DLG2: variants seen among roughly 807,000 people sequenced by gnomAD.
DLG2 encodes discs large MAGUK scaffold protein 2.
Under a neutral mutation model 132.5 loss-of-function variants are expected in DLG2, and 45 were observed. The observed-to-expected ratio is 0.34, with a 90% CI of 0.27 to 0.44. The LOEUF is 0.44. DLG2 is among the 20% of genes least tolerant of loss of function. The pLI is 1.00. For synonymous variants in DLG2, 424 were observed against 419.6 expected, an observed-to-expected ratio of 1.01 and a Z score of -0.13; for missense variants, 1,045 against 1,196.9, an observed-to-expected ratio of 0.87 and a Z score of 1.87.
At chr11:84,304,454 G>A (rs1032854693) in intron 7 of DLG2, among the ~76,000 whole-genome samples, 15 of 152,190 alleles carry the variant, frequency 9.9e-5, no homozygotes, top group African/African-American at 3.4e-4. Flanking sequence ...AGGCTTTGTT[G>A]GGCAGAAAGG....
At chr11:85,320,729 T>A (rs1318409870) in intron 3 of DLG2, among the ~76,000 whole-genome samples, 3 of 151,692 alleles carry the variant, frequency 2.0e-5, no homozygotes, top group Admixed American at 2.0e-4. Flanking sequence ...TATCTAGGGA[T>A]AAAGTACTGT....
At chr11:83,919,238 A>C (rs1715313302) in intron 15 of DLG2, among the ~76,000 whole-genome samples, 1 of 152,162 alleles carries the variant, frequency 6.6e-6, no homozygotes, top group Admixed American at 6.5e-5. Context: ...CCTCATGTCC[A>C]GTGTAGCTTA....
At chr11:84,523,865 T>C (rs2099312052) in intron 7 of DLG2, among the ~76,000 whole-genome samples, 3 of 152,094 alleles carry the variant, frequency 2.0e-5, no homozygotes, top group Admixed American at 6.5e-5. Flanking sequence ...TTAAAACTTA[T>C]TATGATTTTA....
chr11:84,249,604 T>C (rs2097346030), intron 8 of DLG2, among the ~76,000 whole-genome samples: 1 of 152,074 alleles, frequency 6.6e-6, no homozygotes, highest in Non-Finnish European at 1.5e-5. Context: ...ATTAAATGAG[T>C]TAAAATTTGT....
intron 6 of DLG2, among the ~76,000 whole-genome samples, chr11:84,541,959 G>T (rs1243284293): frequency 1.3e-5 from 2 of 152,154 alleles, no homozygotes; most frequent in African/African-American, 2.4e-5. Flanking sequence ...GTCACTGGAG[G>T]TTCTCTGGTG....
At chr11:83,578,660 T>C (rs2096921123) in intron 19 of DLG2, among the ~76,000 whole-genome samples, 1 of 152,160 alleles carries the variant, frequency 6.6e-6, no homozygotes, top group African/African-American at 2.4e-5. Flanking sequence ...AAGAATATTA[T>C]GAGCAATGAT....
At chr11:84,659,237 T>C (rs1033905033) in intron 6 of DLG2, among the ~76,000 whole-genome samples, 8 of 150,700 alleles carry the variant, frequency 5.3e-5, no homozygotes, top group African/African-American at 1.9e-4. Context: ...TGGGTGGAGC[T>C]TTGTATTTTT....
At chr11:84,028,211 A>G (rs1229926352) in intron 11 of DLG2, among the ~76,000 whole-genome samples, 1 of 151,922 alleles carries the variant, frequency 6.6e-6, no homozygotes, top group East Asian at 1.9e-4. Flanking sequence ...GTCAAACAAA[A>G]CTCTGATCAT....
chr11:85,055,963 T>C (rs1005310426), intron 6 of DLG2, among the ~76,000 whole-genome samples: 7 of 152,126 alleles, frequency 4.6e-5, no homozygotes, highest in African/African-American at 1.7e-4. Context: ...TACATTAAAG[T>C]GATATCCCTG....
At chr11:85,264,729 T>C (rs1317973922) in intron 4 of DLG2, among the ~76,000 whole-genome samples, 2 of 152,170 alleles carry the variant, frequency 1.3e-5, no homozygotes, top group East Asian at 1.9e-4. Flanking sequence ...TACAGGGTAC[T>C]AAGCATCTTT....
At chr11:85,022,449 G>A (rs780481676) in intron 6 of DLG2, among the ~76,000 whole-genome samples, 7 of 151,834 alleles carry the variant, frequency 4.6e-5, no homozygotes, top group Non-Finnish European at 8.8e-5. Flanking sequence ...AATGGTAAGG[G>A]AATTATATAT....
At chr11:85,102,410 T>C (rs936169519) in intron 6 of DLG2, among the ~76,000 whole-genome samples, 12 of 152,004 alleles carry the variant, frequency 7.9e-5, no homozygotes, top group African/African-American at 1.4e-4. Context: ...AATGGTGCTA[T>C]GTCATAGAAA....
intron 6 of DLG2, among the ~76,000 whole-genome samples, chr11:85,038,802 T>C (rs533434503): frequency 1.4e-3 from 207 of 152,182 alleles, no homozygotes; most frequent in African/African-American, 4.7e-3. Flanking sequence ...CTGGACAATG[T>C]ACAATTAAAT....
At chr11:84,271,459 AC>A (rs1404875798) in intron 7 of DLG2, among the ~76,000 whole-genome samples, 1 of 152,188 alleles carries the variant, frequency 6.6e-6, no homozygotes, top group African/African-American at 2.4e-5. Flanking sequence ...CCACTACACC[AC>A]CACAATGCTA....
chr11:85,422,450 T>G (rs1597189962), intron 3 of DLG2, among the ~76,000 whole-genome samples: 1 of 152,250 alleles, frequency 6.6e-6, no homozygotes, highest in East Asian at 1.9e-4. Context: ...TCTAAATTTC[T>G]TTCTTCTACT....
At position 85,285,451 on chromosome 11, in the gene DLG2, C is replaced by G. The variant is rs2078495304; in HGVS notation, c.41-86G>C. 13 of 1,295,254 alleles carry G rather than the reference C, an allele frequency of 1.0e-5. 1 individual carries two copies. The highest frequency in any genetic ancestry group is 1.6e-5 in the South Asian group (1 of 62,332). 80.2% of individuals were successfully genotyped at this position (1,295,254 alleles called of 1,614,324 possible). On this transcript the variant is annotated intron_variant, in intron 3 of 27. Transcript: ENST00000376104. ...GCATATATGTCCATATATAGACATA[C>G]AGAAATTTTGCTGATTAAAAGAACT...
At chr11:83,573,866 G>A (rs2096836188) in intron 19 of DLG2, among the ~76,000 whole-genome samples, 1 of 152,144 alleles carries the variant, frequency 6.6e-6, no homozygotes, top group African/African-American at 2.4e-5. Context: ...GTGCTTCGAG[G>A]CAGTATAACA....
intron 6 of DLG2, among the ~76,000 whole-genome samples, chr11:84,703,851 AG>A (rs1479174191): frequency 2.1e-5 from 2 of 94,270 alleles, no homozygotes; most frequent in African/African-American, 1.5e-4. Flanking sequence ...AAAACTATGT[AG>A]TGAAGATATA....
At chr11:84,328,971 G>C (rs765231609) in intron 7 of DLG2, among the ~76,000 whole-genome samples, 4 of 152,212 alleles carry the variant, frequency 2.6e-5, no homozygotes, top group Non-Finnish European at 5.9e-5. Flanking sequence ...GGATGATGTA[G>C]TGAACTTTAG....
Sources: gnomAD v4.1 joint callset for allele counts (sites outside exome capture counted in the v4.1 genomes callset) on GRCh38, gnomAD v4.1.1 for gene constraint, MANE v1.5 for transcripts, NCBI Gene and HGNC (gene_info 2026-07-23, HGNC 2026-07-21) for gene names.